COL12A1: variants seen among roughly 807,000 people sequenced by gnomAD.
The protein encoded by COL12A1 is collagen type XII alpha 1 chain, also known as collagen alpha-1(XII) chain.
In COL12A1, 114 loss-of-function variants were observed where a neutral mutation model predicts 349.7. The observed-to-expected ratio is 0.33, with a 90% confidence interval of 0.28 to 0.38. The LOEUF (loss-of-function observed/expected upper bound fraction) is 0.38. Among genes scored for constraint, COL12A1 ranks in the 10% least tolerant of loss-of-function variants. COL12A1 has a pLI of 1.00. For synonymous variants in COL12A1, 1,369 were observed against 1,329.0 expected (o/e 1.03, Z -0.66); for missense variants, 3,284 against 3,756.9 (o/e 0.87, Z 3.29).
At chr6:75,130,723 G>T in intron 36 of COL12A1, 129 bp downstream of exon 36, 1 of 1,193,370 alleles carries the variant, frequency 8.4e-7, no homozygotes, top group Non-Finnish European at 1.2e-6. Flanking sequence ...CGCCTGGAAT[G>T]TAAATGTAGG....
chr6:75,140,721 C>T (rs1188049685), intron 27 of COL12A1, among the ~76,000 whole-genome samples: 1 of 149,594 alleles, frequency 6.7e-6, no homozygotes, highest in Non-Finnish European at 1.5e-5. Flanking sequence ...TAGGTATAGG[C>T]AGCTGGGCAC....
chr6:75,166,233 T>C (rs1272287081), intron 13 of COL12A1, among the ~76,000 whole-genome samples: 1 of 152,198 alleles, frequency 6.6e-6, no homozygotes, highest in Non-Finnish European at 1.5e-5. Context: ...TCAGTTTCAA[T>C]GCATGATTTA....
At chr6:75,200,137 G>C (rs1194200942) in intron 2 of COL12A1, among the ~76,000 whole-genome samples, 4 of 152,112 alleles carry the variant, frequency 2.6e-5, no homozygotes, top group Non-Finnish European at 5.9e-5. Context: ...AAGAAATTCT[G>C]GTTCCAGCCC....
intron 61 of COL12A1, 30 bp from the exon 62 acceptor site, chr6:75,091,419 A>T: frequency 6.2e-7 from 1 of 1,612,722 alleles, no homozygotes; most frequent in Non-Finnish European, 8.5e-7. Flanking sequence ...TGATTAGCAT[A>T]TTAGTTCTAT....
At chr6:75,164,440 C>G (rs997172237) in intron 14 of COL12A1, among the ~76,000 whole-genome samples, 1 of 152,142 alleles carries the variant, frequency 6.6e-6, no homozygotes, top group African/African-American at 2.4e-5. Context: ...GCATGAATGC[C>G]CAGTCTTTCT....
intron 43 of COL12A1, 137 bp from the exon 44 acceptor site, chr6:75,121,578 T>C (rs1211731889): frequency 2.9e-6 from 3 of 1,023,990 alleles, no homozygotes; most frequent in African/African-American, 1.6e-5. Context: ...CCTGGGAGCT[T>C]GTTAGAAATG....
Position 75,132,024 on chromosome 6 carries a change from A to C in COL12A1, c.5853T>G (p.Asp1951Glu), listed in dbSNP as rs372079423. The C allele has an allele frequency of 6.2e-7, 1 of 1,614,076 alleles. No individual in the cohort carries two copies. Among genetic ancestry groups the C allele is most frequent in the African/African-American group, 1.3e-5 (1 of 74,936 alleles). The stretch of plus-strand genomic sequence containing the variant: ...GTCCTGGAGCAGGGTCCCAGCGAAC[A>C]TCGAGGCTGTTAGGTGTAGGATTGT... ...QVYNPTPNSL[D>E]VRWDPAPGPV... Residue 1951 changes from aspartate (D) to glutamate (E), a missense_variant, in exon 35 of 66, where the codon GAT becomes GAG. Around this residue, in one of 2 missense-constraint regions of COL12A1, gnomAD observed 2,601 missense variants for 2,824.8 expected, o/e 0.92. Transcript: ENST00000322507.
chr6:75,151,990 G>C lies in COL12A1; in HGVS notation c.3877C>G (p.Gln1293Glu), dbSNP rs1489541121. 1.2e-6 allele frequency: 2 copies of C among 1,613,876 alleles called. No individual in the cohort carries two copies. The highest frequency in any genetic ancestry group is 1.7e-6 in the Non-Finnish European group (2 of 1,179,830). ...NFIRQQNFRT[Q>E]AGMRPRARKI... ...CGAGCTCGAGGTCTCATGCCAGCTT[G>C]GGTCCTGAAGTTCTGTTGGCGAATG... is the stretch of plus-strand genomic sequence containing the variant. The change falls in exon 20 of 66, where the codon CAA (glutamine) becomes GAA (glutamate). Residue 1293 changes from glutamine (Q) to glutamate (E), a missense_variant. By Grantham distance (29) the Gln-to-Glu change is conservative (BLOSUM62 2). Around this residue, in one of 2 missense-constraint regions of COL12A1, gnomAD observed 2,601 missense variants for 2,824.8 expected, o/e 0.92. Coordinates refer to ENST00000322507, the MANE Select transcript of COL12A1 (RefSeq NM_004370.6).
chr6:75,152,593 T>A, intron 17 of COL12A1, 111 bp from the exon 18 acceptor site: 1 of 1,219,008 alleles, frequency 8.2e-7, no homozygotes, highest in Non-Finnish European at 1.2e-6. Context: ...GTCTCAGTAC[T>A]ATGGTCTAGC....
chr6:75,127,204 G>C (rs1374691985), intron 38 of COL12A1, among the ~76,000 whole-genome samples: 2 of 151,998 alleles, frequency 1.3e-5, no homozygotes, highest in Non-Finnish European at 2.9e-5. Flanking sequence ...TTTTCCCCAG[G>C]AAAGTCCCAA....
chr6:75,118,096 G>T (rs1282926122), intron 46 of COL12A1, among the ~76,000 whole-genome samples: 1 of 152,034 alleles, frequency 6.6e-6, no homozygotes, highest in Non-Finnish European at 1.5e-5. Flanking sequence ...AGCTAAATTT[G>T]ACATCAGGGG....
chr6:75,151,736 T>C (rs1767500278), intron 20 of COL12A1, 131 bp downstream of exon 20: 1 of 1,051,680 alleles, frequency 9.5e-7, no homozygotes, highest in South Asian at 1.7e-5. Flanking sequence ...CCTGGAACAT[T>C]ATTTTGATAA....
intron 22 of COL12A1, 87 bp from the exon 23 acceptor site, chr6:75,147,891 G>A (rs2149409648): frequency 7.2e-7 from 1 of 1,389,474 alleles, no homozygotes; most frequent in South Asian, 1.5e-5. Context: ...TAACTGCAGT[G>A]AGCTTAGAAT....
chr6:75,113,021 C>A, intron 51 of COL12A1, 183 bp downstream of exon 51: 1 of 370,648 alleles, frequency 2.7e-6, no homozygotes, highest in Non-Finnish European at 4.7e-6. Flanking sequence ...TACTCGTTAT[C>A]TCTTGATTAG....
At chr6:75,097,606 T>C (rs1023338629) in intron 58 of COL12A1, among the ~76,000 whole-genome samples, 1 of 152,232 alleles carries the variant, frequency 6.6e-6, no homozygotes, top group African/African-American at 2.4e-5. Context: ...GGAAGGCAGA[T>C]TCCCTTCATG....
rs1245856763 is a variant in COL12A1, at chr6:75,085,626, A to G, written c.*921T>C. 1 of 284,584 alleles carries G rather than the reference A, an allele frequency of 3.5e-6. No individual in the cohort carries two copies. The highest frequency in any genetic ancestry group is 7.2e-6 in the Non-Finnish European group (1 of 139,520). 17.6% of individuals were successfully genotyped at this position (284,584 alleles called of 1,614,324 possible). A position where few individuals can be genotyped will look rare whatever the true frequency, so the allele number is the denominator to read the frequency against. ...CACAAATACTTGGGAAGGGTCAGAG[A>G]CTGGGCCAAAGAACTGTAAACGCAG... is the stretch of plus-strand genomic sequence containing the variant. On this transcript the variant is annotated 3_prime_UTR_variant, in exon 66 of 66. Transcript: ENST00000322507.
At chr6:75,154,628 A>T in intron 16 of COL12A1, 91 bp from the exon 17 acceptor site, 1 of 1,341,996 alleles carries the variant, frequency 7.5e-7, no homozygotes, top group Non-Finnish European at 1.0e-6. Context: ...ATTTTTCTTG[A>T]TTTACAAGCT....
At position 75,124,350 on chromosome 6, in the gene COL12A1, A is replaced by T; in HGVS notation, c.6629T>A (p.Leu2210Gln). Residue 2210 changes from leucine to glutamine, a missense_variant, in exon 41 of 66, where the codon CTG becomes CAG. By Grantham distance (113) the Leu-to-Gln change is moderately radical. Coordinates refer to ENST00000322507, the MANE Select transcript of COL12A1 (RefSeq NM_004370.6). ...GTTLYLNVTDLKTYQIGWDTF... is the reference protein window; with the variant it reads ...GTTLYLNVTDQKTYQIGWDTF... ...ATCCCACCCAATCTGGTAAGTTTTC[A>T]GATCTGTTACATTTAAATATACTAC... The T allele has an allele frequency of 6.2e-7, 1 of 1,611,258 alleles. No individual in the cohort carries two copies. Among genetic ancestry groups the T allele is most frequent in the Non-Finnish European group, 8.5e-7 (1 of 1,178,508 alleles).
At chr6:75,148,635 T>C (rs918698575) in intron 21 of COL12A1, 138 bp from the exon 22 acceptor site, 12 of 705,826 alleles carry the variant, frequency 1.7e-5, no homozygotes, top group Non-Finnish European at 2.1e-5. Context: ...GTAGCTACAA[T>C]AAATCTGTAT....
Sources: gnomAD v4.1 joint callset for allele counts (sites outside exome capture counted in the v4.1 genomes callset) on GRCh38, gnomAD v4.1.1 for gene constraint, gnomAD v4.1.1 regional missense constraint, MANE v1.5 for transcripts, NCBI Gene and HGNC (gene_info 2026-07-23, HGNC 2026-07-21) for gene names.